The following MED13 variants were observed in gnomAD, a reference collection of about 807,000 sequenced individuals.
MED13 encodes the protein mediator of RNA polymerase II transcription subunit 13.
MED13 carries 23 observed loss-of-function variants against 225.2 expected under a neutral mutation model. That is an observed-to-expected ratio of 0.10 (90% CI 0.07 to 0.14). The LOEUF is 0.14. Among genes scored for constraint, MED13 ranks in the 10% least tolerant of loss-of-function variants. The pLI, the probability that MED13 is intolerant of heterozygous loss-of-function variation, is 1.00. For synonymous variants in MED13, 942 were observed against 889.2 expected (o/e 1.06, Z -1.06); for missense variants, 2,197 against 2,594.5 (o/e 0.85, Z 3.33).
At chr17:62,019,979 T>G (rs2080622902) in intron 8 of MED13, among the ~76,000 whole-genome samples, 1 of 151,944 alleles carries the variant, frequency 6.6e-6, no homozygotes, top group African/African-American at 2.4e-5. Flanking sequence ...CTCCTGACCC[T>G]GTGATCCGCC....
chr17:61,985,844 C>G (rs1353121914), intron 12 of MED13, among the ~76,000 whole-genome samples: 1 of 152,178 alleles, frequency 6.6e-6, no homozygotes, highest in East Asian at 1.9e-4. Context: ...TATACTTTCA[C>G]CTTGTTTTAA....
At chr17:62,008,317 C>CAAAA (rs766909961) in intron 9 of MED13, among the ~76,000 whole-genome samples, 12 of 33,208 alleles carry the variant, frequency 3.6e-4, no homozygotes, top group African/African-American at 1.3e-3. Flanking sequence ...GGCTCTGTCT[C>CAAAA]AAAAAAAAAA....
intron 8 of MED13, among the ~76,000 whole-genome samples, chr17:62,023,983 T>C (rs1302797459): frequency 1.3e-5 from 2 of 152,156 alleles, no homozygotes; most frequent in African/African-American, 4.8e-5. Context: ...TAAATCTCTA[T>C]ATGCCTCTGA....
intron 17 of MED13, among the ~76,000 whole-genome samples, chr17:61,971,307 G>A (rs1257413883): frequency 5.9e-5 from 8 of 136,252 alleles, no homozygotes; most frequent in Non-Finnish European, 1.1e-4. Flanking sequence ...ATGGAGTTTC[G>A]CTTTTGTTGC....
chr17:61,981,153 G>C (rs1488895275), intron 16 of MED13, among the ~76,000 whole-genome samples: 1 of 151,994 alleles, frequency 6.6e-6, no homozygotes, highest in Non-Finnish European at 1.5e-5. Flanking sequence ...CTCCCGAGTA[G>C]CTGGGATTAT....
At chr17:61,970,656 T>TG (rs1300819074) in intron 17 of MED13, among the ~76,000 whole-genome samples, 1 of 114,904 alleles carries the variant, frequency 8.7e-6, no homozygotes, top group African/African-American at 3.4e-5. Flanking sequence ...CACTCCAGTC[T>TG]GGGCAAGAGA....
In MED13 at chr17:61,953,124, G is replaced by C; in HGVS notation, c.5969-11C>G. On this transcript the variant is annotated splice_polypyrimidine_tract_variant and intron_variant, in intron 26 of 29. Transcript: ENST00000397786. ...TTCCATCTGCTCCATCTAAACAGGA[G>C]AAAGAAAAGAAATTTAAAACTCCAT... The C allele has an allele frequency of 1.2e-6, 2 of 1,603,198 alleles. No individual in the cohort carries two copies. The highest frequency in any genetic ancestry group is 1.1e-5 in the South Asian group (1 of 89,278).
chr17:62,010,409 T>C, intron 9 of MED13, 141 bp downstream of exon 9: 1 of 519,708 alleles, frequency 1.9e-6, no homozygotes, highest in East Asian at 3.5e-5. Flanking sequence ...AAAAACACAG[T>C]AAAGGAATAA....
intron 8 of MED13, among the ~76,000 whole-genome samples, chr17:62,015,938 ATATATATATATATATATTTTTTTTT>A (rs1416700637): frequency 3.3e-4 from 3 of 9,012 alleles, no homozygotes; most frequent in Non-Finnish European, 5.2e-4. Flanking sequence ...ATATATATAT[ATATATATATATATATATTTTTTTTT>A]TTTTTTTTTT....
At chr17:62,023,738 T>G (rs2080672263) in intron 8 of MED13, among the ~76,000 whole-genome samples, 1 of 123,844 alleles carries the variant, frequency 8.1e-6, no homozygotes, top group Admixed American at 7.3e-5. Context: ...TATCAATGTA[T>G]GCCCCCCAAC....
intron 3 of MED13, among the ~76,000 whole-genome samples, chr17:62,049,262 A>G (rs974020616): frequency 5.3e-5 from 8 of 152,158 alleles, no homozygotes; most frequent in East Asian, 1.9e-4. Flanking sequence ...AGGGAAACTC[A>G]TAAGATTATA....
intron 3 of MED13, among the ~76,000 whole-genome samples, chr17:62,049,078 C>CCAAAAAAAAAA (rs1394947952): frequency 2.2e-5 from 1 of 45,330 alleles, no homozygotes; most frequent in East Asian, 8.2e-4. Flanking sequence ...GTAAATAAGA[C>CCAAAAAAAAAA]AAAAAAAAAA....
rs557712471 is a variant in MED13, at chr17:62,030,268, C to T, written c.1010-255G>A. 8.6e-5 allele frequency: 29 copies of T among 337,618 alleles called. No homozygotes were observed. The East Asian group carries it at 1.1e-3, about 13-fold the overall frequency. 20.9% of individuals were successfully genotyped at this position (337,618 alleles called of 1,614,324 possible). On this transcript the variant is annotated intron_variant, in intron 6 of 29. Coordinates refer to ENST00000397786, the MANE Select transcript of MED13 (RefSeq NM_005121.3). ...TCAGGAGCCAGGCAGGGCCAGCACA[C>T]GGTGGCGTGTCGGGGGAGGTGGGCT...
intron 12 of MED13, among the ~76,000 whole-genome samples, chr17:61,986,704 T>G (rs372083028): frequency 2.6e-5 from 4 of 152,030 alleles, no homozygotes; most frequent in African/African-American, 9.7e-5. Flanking sequence ...AATAGGAAAA[T>G]AATTCTGCTT....
chr17:62,023,484 A>AGGAAG (rs1331591047), intron 8 of MED13, among the ~76,000 whole-genome samples: 2 of 152,182 alleles, frequency 1.3e-5, no homozygotes, highest in Non-Finnish European at 2.9e-5. Context: ...TGGGACCATG[A>AGGAAG]GGAAGGGGCT....
intron 2 of MED13, among the ~76,000 whole-genome samples, chr17:62,055,306 C>T (rs1247375905): frequency 6.6e-6 from 1 of 151,976 alleles, no homozygotes; most frequent in Non-Finnish European, 1.5e-5. Context: ...ATGAGAATCA[C>T]CTGAGCCCAA....
chr17:61,986,445 A>C (rs1335817931), intron 12 of MED13, among the ~76,000 whole-genome samples: 1 of 152,088 alleles, frequency 6.6e-6, no homozygotes, highest in East Asian at 1.9e-4. Context: ...ATTCTAGGGA[A>C]TCTCATTTTA....
intron 5 of MED13, among the ~76,000 whole-genome samples, chr17:62,033,512 A>C (rs1408182631): frequency 1.3e-5 from 2 of 152,224 alleles, no homozygotes; most frequent in African/African-American, 4.8e-5. Context: ...GTACACTTAC[A>C]TGGTTAGGTT....
Position 62,015,940 on chromosome 17 carries a change from ATATATATATATATATTTTTTTTTTTTTTT to A in MED13, c.1284-4736_1284-4708del, listed in dbSNP as rs1279012914. 7.3e-4 allele frequency among the ~76,000 whole-genome samples: 7 copies of A among 9,644 alleles called. 1 individual carries two copies. The highest frequency in any genetic ancestry group is 8.1e-3 in the East Asian group (1 of 124). 6.3% of individuals were successfully genotyped at this position (9,644 alleles called of 152,430 possible). ...CATATATATATATATATATATATAT[ATATATATATATATATTTTTTTTTTTTTTT>A]TTTTTTTTTTTTTTAGTAGAGACCG... On this transcript the variant is annotated intron_variant, in intron 8 of 29. Transcript: ENST00000397786.
Sources: allele counts gnomAD v4.1 joint callset (sites outside exome capture counted in the v4.1 genomes callset), GRCh38; gene constraint gnomAD v4.1.1; transcripts MANE v1.5; gene names NCBI Gene and HGNC (gene_info 2026-07-23, HGNC 2026-07-21).